FER: variants seen among roughly 807,000 people sequenced by gnomAD.
FER encodes tyrosine-protein kinase Fer.
In FER, 63 loss-of-function variants were observed where a neutral mutation model predicts 111.0. That is an observed-to-expected ratio of 0.57 (90% CI 0.46 to 0.70). The LOEUF (loss-of-function observed/expected upper bound fraction) is 0.70. Among genes scored for constraint, FER ranks in the 30% least tolerant of loss-of-function variants. The pLI, the probability that FER is intolerant of heterozygous loss-of-function variation, is 0.00. For synonymous variants in FER, 327 were observed against 313.9 expected (o/e 1.04, Z -0.44); for missense variants, 914 against 954.0 (o/e 0.96, Z 0.55).
At chr5:109,035,446 T>A (rs1770245165) in intron 13 of FER, among the ~76,000 whole-genome samples, 1 of 152,226 alleles carries the variant, frequency 6.6e-6, no homozygotes, top group African/African-American at 2.4e-5. Context: ...GATTTGCAAG[T>A]GCTCTGTTGT....
At chr5:108,945,866 A>C (rs1342697138) in intron 10 of FER, among the ~76,000 whole-genome samples, 2 of 151,966 alleles carry the variant, frequency 1.3e-5, no homozygotes, top group African/African-American at 2.4e-5. Flanking sequence ...CATCTGTATG[A>C]ATTCTATATG....
Position 109,071,632 on chromosome 5 carries a change from A to G in FER, c.1924+24434A>G, listed in dbSNP as rs184588942. The stretch of plus-strand genomic sequence containing the variant: ...TCAGTCTATAACAGTATACAGTCTT[A>G]TCTTTAGAAAGCTAACAAAATTTTG... On this transcript the variant is annotated intron_variant, in intron 16 of 19. Coordinates refer to ENST00000281092, the MANE Select transcript of FER (RefSeq NM_005246.4). Among the ~76,000 whole-genome samples, 143 of 152,106 alleles carry G rather than the reference A, an allele frequency of 9.4e-4. 3 individuals carry two copies. Among genetic ancestry groups the G allele is most frequent in the Non-Finnish European group, 1.7e-3 (113 of 67,866 alleles).
chr5:109,010,361 G>T (rs1766093240), intron 13 of FER, among the ~76,000 whole-genome samples: 1 of 152,022 alleles, frequency 6.6e-6, no homozygotes, highest in Non-Finnish European at 1.5e-5. Context: ...GTTTGACCGT[G>T]TTAGCCAGGA....
intron 17 of FER, among the ~76,000 whole-genome samples, chr5:109,120,153 T>A (rs1176959390): frequency 6.6e-6 from 1 of 152,278 alleles, no homozygotes; most frequent in Non-Finnish European, 1.5e-5. Context: ...TGGTTGCCTA[T>A]GCTTGTGAGG....
intron 13 of FER, among the ~76,000 whole-genome samples, chr5:108,977,763 C>T (rs1761554436): frequency 1.3e-5 from 2 of 152,126 alleles, no homozygotes; most frequent in Admixed American, 6.5e-5. Flanking sequence ...GATTTGTTAC[C>T]TGCTCTATTT....
intron 17 of FER, among the ~76,000 whole-genome samples, chr5:109,161,785 C>A: frequency 6.6e-6 from 1 of 151,942 alleles, no homozygotes; most frequent in Non-Finnish European, 1.5e-5. Context: ...CCAGTGCAAC[C>A]CCAATGTGAT....
intron 17 of FER, among the ~76,000 whole-genome samples, chr5:109,152,810 T>C (rs1754992046): frequency 6.6e-6 from 1 of 151,960 alleles, no homozygotes; most frequent in Non-Finnish European, 1.5e-5. Context: ...AACCTGTAGT[T>C]TTATGCACTA....
chr5:109,127,738 C>T (rs1323198080), intron 17 of FER, among the ~76,000 whole-genome samples: 1 of 151,988 alleles, frequency 6.6e-6, no homozygotes, highest in East Asian at 1.9e-4. Context: ...AAAAATATTA[C>T]TAATTAACTA....
At chr5:108,872,647 C>G (rs1352625357) in intron 8 of FER, among the ~76,000 whole-genome samples, 1 of 152,054 alleles carries the variant, frequency 6.6e-6, no homozygotes, top group Non-Finnish European at 1.5e-5. Flanking sequence ...GCAGGGATGT[C>G]TTCTGTTATA....
intron 17 of FER, among the ~76,000 whole-genome samples, chr5:109,170,036 G>C (rs1378211225): frequency 6.6e-6 from 1 of 152,148 alleles, no homozygotes; most frequent in Non-Finnish European, 1.5e-5. Context: ...AAATGTTCTT[G>C]AGGCTCATTA....
At chr5:109,182,899 C>T (rs78403812) in intron 18 of FER, among the ~76,000 whole-genome samples, 1,652 of 152,084 alleles carry the variant, frequency 0.011, 21 homozygotes, top group African/African-American at 0.037. Context: ...TGGAGTGCGG[C>T]GGCATAATCA....
At chr5:108,748,958 C>G (rs979634483) in intron 1 of FER, 1 of 152,706 alleles carries the variant, frequency 6.5e-6, no homozygotes, top group African/African-American at 2.4e-5. Flanking sequence ...GTGACTGGCT[C>G]CGGAGTCTGA....
intron 16 of FER, among the ~76,000 whole-genome samples, chr5:109,077,169 GA>G (rs576187081): frequency 9.2e-5 from 14 of 152,296 alleles, no homozygotes; most frequent in African/African-American, 3.4e-4. Flanking sequence ...TTGCTAAAAT[GA>G]AAAATGTTGA....
chr5:108,883,275 A>C (rs976903226), intron 8 of FER, 121 bp from the exon 9 acceptor site: 2 of 917,354 alleles, frequency 2.2e-6, no homozygotes, highest in Non-Finnish European at 1.5e-6. Context: ...TTTTAGTTTG[A>C]ATCAGATTAT....
chr5:108,799,322 T>C (rs1756382285), intron 3 of FER, among the ~76,000 whole-genome samples: 1 of 152,236 alleles, frequency 6.6e-6, no homozygotes, highest in Non-Finnish European at 1.5e-5. Context: ...CTTATTTAAA[T>C]ATCATATTTC....
intron 2 of FER, among the ~76,000 whole-genome samples, chr5:108,775,040 T>C (rs1022462235): frequency 1.4e-4 from 21 of 152,222 alleles, no homozygotes; most frequent in Non-Finnish European, 1.5e-5. Flanking sequence ...TAAATTTAAA[T>C]CTTTAATCCA....
intron 12 of FER, among the ~76,000 whole-genome samples, chr5:108,955,654 C>T (rs1561674158): frequency 1.3e-5 from 2 of 151,722 alleles, no homozygotes; most frequent in Admixed American, 1.3e-4. Flanking sequence ...ATTGATGCCT[C>T]TGTTTGTTTT....
At chr5:108,933,064 C>T (rs1289122827) in intron 10 of FER, among the ~76,000 whole-genome samples, 1 of 151,972 alleles carries the variant, frequency 6.6e-6, no homozygotes, top group Admixed American at 6.6e-5. Flanking sequence ...TCTGATGATA[C>T]TTTCTTTTGC....
At chr5:108,781,261 G>T (rs577511769) in intron 2 of FER, among the ~76,000 whole-genome samples, 1 of 152,220 alleles carries the variant, frequency 6.6e-6, no homozygotes, top group Admixed American at 6.5e-5. Context: ...TATGATCTTG[G>T]CATACTGCAA....
Sources: gnomAD v4.1 joint callset for allele counts (sites outside exome capture counted in the v4.1 genomes callset) on GRCh38, gnomAD v4.1.1 for gene constraint, MANE v1.5 for transcripts, NCBI Gene and HGNC (gene_info 2026-07-23, HGNC 2026-07-21) for gene names.